The following ERCC8 variants were observed in gnomAD, a reference collection of about 807,000 sequenced individuals.
ERCC8 encodes the protein DNA excision repair protein ERCC-8.
In ERCC8, 52 loss-of-function variants were observed where a neutral mutation model predicts 54.9. The observed-to-expected ratio is 0.95, with a 90% CI of 0.76 to 1.19. The LOEUF (loss-of-function observed/expected upper bound fraction) is 1.19, where lower values mean the gene tolerates loss of function less well. Among genes scored for constraint, ERCC8 ranks in the 50% most tolerant of loss-of-function variants. The pLI is 0.00. For missense variants in ERCC8, 514 were observed against 466.1 expected, an observed-to-expected ratio of 1.10 and a Z score of -0.95; for synonymous variants, 146 against 157.2, an observed-to-expected ratio of 0.93 and a Z score of 0.53.
rs1211144774 is a variant in ERCC8, at chr5:60,902,448, G to A, written c.611C>T (p.Thr204Ile). 1.2e-6 allele frequency: 2 copies of A among 1,610,780 alleles called. No homozygotes were observed. The highest frequency in any genetic ancestry group is 1.7e-6 in the Non-Finnish European group (2 of 1,177,578). ...CAAATAAGTTAAATTTTACCTTGCTGTTGCCAAGATATAGTCATAACGTGG... is the reference window on the plus strand; with the variant it reads ...CAAATAAGTTAAATTTTACCTTGCTATTGCCAAGATATAGTCATAACGTGG... The part of the protein sequence containing the change: ...WSPRYDYILA[T>I]ASADSRVKLW... Residue 204 changes from threonine to isoleucine, a missense_variant, in exon 7 of 12, where the codon ACA (threonine) becomes ATA (isoleucine). Thr to Ile is a moderately conservative substitution (Grantham distance 89). Transcript: ENST00000676185.
At chr5:60,915,258 G>A (rs1749398544) in intron 4 of ERCC8, 1 of 151,906 alleles carries the variant, frequency 6.6e-6, no homozygotes, top group Non-Finnish European at 1.5e-5. Flanking sequence ...CTCATTTGTT[G>A]GTAAGCTTGG....
chr5:60,903,770 G>A, intron 5 of ERCC8, 54 bp from the exon 6 acceptor site: 2 of 1,544,078 alleles, frequency 1.3e-6, no homozygotes, highest in Non-Finnish European at 1.8e-6. Context: ...TCATCAAAAG[G>A]AAACAAGACA....
rs1749289660 is a variant in ERCC8 at position 60,912,242 on chromosome 5, T to C, written c.399+6023A>G. The stretch of plus-strand genomic sequence containing the variant: ...TCCATAAGCATGGAATGTTCTTCCA[T>C]TTGTTTGTGTCCTCTTTTATTTCAT... On this transcript the variant is annotated intron_variant, in intron 4 of 11. Coordinates refer to ENST00000676185, the MANE Select transcript of ERCC8 (RefSeq NM_000082.4). Among the ~76,000 whole-genome samples the C allele has an allele frequency of 2.6e-5, 4 of 152,176 alleles. No individual in the cohort carries two copies. In the South Asian group the frequency reaches 8.3e-4, roughly 31 times the overall value.
intron 9 of ERCC8, chr5:60,892,821 A>G: frequency 1.5e-6 from 1 of 681,838 alleles, no homozygotes; most frequent in Non-Finnish European, 2.7e-6. Flanking sequence ...GACCCCAGGA[A>G]TGGCTCCCAC....
chr5:60,921,001 C>T (rs4647079), intron 3 of ERCC8, among the ~76,000 whole-genome samples: 7,156 of 151,628 alleles, frequency 0.047, 567 homozygotes, highest in African/African-American at 0.16. Context: ...GTATTTGAGG[C>T]GATATCTTGT....
intron 7 of ERCC8, 46 bp from the exon 8 acceptor site, chr5:60,899,773 G>T: frequency 1.5e-6 from 2 of 1,373,854 alleles, no homozygotes; most frequent in South Asian, 1.2e-5. Context: ...CTAGGACAAT[G>T]ACTGTACCCC....
intron 5 of ERCC8, among the ~76,000 whole-genome samples, 161 bp from the exon 6 acceptor site, chr5:60,903,877 A>G (rs1236801199): frequency 6.6e-6 from 1 of 152,118 alleles, no homozygotes; most frequent in Non-Finnish European, 1.5e-5. Flanking sequence ...TACATTTAGA[A>G]AAGTTATTTT....
intron 2 of ERCC8, among the ~76,000 whole-genome samples, chr5:60,922,488 C>T (rs934526705): frequency 1.3e-5 from 2 of 151,932 alleles, no homozygotes; most frequent in African/African-American, 4.8e-5. Context: ...CTAATTATGA[C>T]TATGCTAAAT....
At chr5:60,911,438 G>T (rs190161593) in intron 4 of ERCC8, among the ~76,000 whole-genome samples, 1,566 of 146,816 alleles carry the variant, frequency 0.011, 25 homozygotes, top group African/African-American at 0.033. Flanking sequence ...TTTTTGATGG[G>T]TTTTTTTTTT....
chr5:60,890,889 C>T lies in ERCC8; in HGVS notation c.1041G>A (p.Gln347=). Residue 347 remains glutamine (Q), a splice_region_variant and synonymous_variant, in exon 10 of 12, where the codon CAG becomes CAA. Coordinates refer to ENST00000676185, the MANE Select transcript of ERCC8 (RefSeq NM_000082.4). ...TTTTAAATTCCTGTATCACTCTTAC[C>T]TGGAAATTTGACTGAAATACACAGC... is the stretch of plus-strand genomic sequence containing the variant. ...VDCCVFQSNF[Q]ELYSGSRDCN... is the part of the protein sequence containing the mutation. The T allele has an allele frequency of 3.1e-6, 5 of 1,610,702 alleles. No individual in the cohort carries two copies. The highest frequency in any genetic ancestry group is 4.2e-6 in the Non-Finnish European group (5 of 1,177,306).
chr5:60,899,967 A>T (rs1748829459), intron 7 of ERCC8, among the ~76,000 whole-genome samples: 1 of 152,008 alleles, frequency 6.6e-6, no homozygotes, highest in African/African-American at 2.4e-5. Flanking sequence ...ACAAGAACAA[A>T]ATTTTGCTGC....
At chr5:60,903,467 T>C in intron 6 of ERCC8, 181 bp downstream of exon 6, 1 of 1,007,114 alleles carries the variant, frequency 9.9e-7, no homozygotes, top group East Asian at 2.8e-5. Flanking sequence ...ATAAATGTGT[T>C]TTCAATGGTT....
intron 1 of ERCC8, 79 bp from the exon 2 acceptor site, chr5:60,929,038 T>C (rs1457838331): frequency 3.5e-6 from 3 of 849,272 alleles, no homozygotes; most frequent in Non-Finnish European, 6.0e-6. Context: ...AGATTACTTA[T>C]GGTACAAAAA....
At chr5:60,891,580 T>C (rs1748557790) in intron 9 of ERCC8, among the ~76,000 whole-genome samples, 1 of 151,532 alleles carries the variant, frequency 6.6e-6, no homozygotes, top group Admixed American at 6.6e-5. Context: ...TTTTTGGGGC[T>C]AATACCCCCC....
At position 60,922,098 on chromosome 5, in the gene ERCC8, G is replaced by A; in HGVS notation, c.231C>T (p.Ser77=). 2 of 1,610,438 alleles carry A rather than the reference G, an allele frequency of 1.2e-6. No homozygotes were observed. The highest frequency in any genetic ancestry group is 1.7e-6 in the Non-Finnish European group (2 of 1,177,670). ...VIVLYDLENS[S]RQSYYTCKAV... ...CTTTACATGTGTAATAAGATTGTCT[G>A]CTGGAGTTCTCAAGGTCATAAAGTA... The change falls in exon 3 of 12, where the codon AGC becomes AGT. Residue 77 remains serine, a synonymous_variant. Coordinates refer to ENST00000676185, the MANE Select transcript of ERCC8 (RefSeq NM_000082.4).
In ERCC8 at chr5:60,870,091, T is replaced by TAACAA. The variant is rs144343445; in HGVS notation, c.*4519_*4523dup. The stretch of plus-strand genomic sequence containing the variant: ...TCTCCACTATATTTTTGCAAGTGCT[T>TAACAA]AACAAAACAAAACAAAACAAAACAA... On this transcript the variant is annotated 3_prime_UTR_variant, in exon 12 of 12. Transcript: ENST00000676185. Among the ~76,000 whole-genome samples, 78 of 152,070 alleles carry TAACAA rather than the reference T, an allele frequency of 5.1e-4. 2 individuals carry two copies. The South Asian group carries it at 8.1e-3, about 16-fold the overall frequency.
intron 11 of ERCC8, among the ~76,000 whole-genome samples, chr5:60,885,751 A>T (rs1748375285): frequency 6.6e-6 from 1 of 152,218 alleles, no homozygotes; most frequent in Non-Finnish European, 1.5e-5. Flanking sequence ...AATAATTCAC[A>T]GGTTTACACA....
chr5:60,903,451 G>T, intron 6 of ERCC8, 197 bp downstream of exon 6: 1 of 815,434 alleles, frequency 1.2e-6, no homozygotes, highest in Non-Finnish European at 1.8e-6. Context: ...AATGATCATT[G>T]TTCATATAAA....
chr5:60,930,097 A>C (rs1749862521), intron 1 of ERCC8, among the ~76,000 whole-genome samples: 1 of 152,230 alleles, frequency 6.6e-6, no homozygotes, highest in Admixed American at 6.5e-5. Flanking sequence ...TTGAAGATAT[A>C]CATGGCCCTT....
Sources: allele counts gnomAD v4.1 joint callset (sites outside exome capture counted in the v4.1 genomes callset), GRCh38; gene constraint gnomAD v4.1.1; transcripts MANE v1.5; gene names NCBI Gene and HGNC (gene_info 2026-07-23, HGNC 2026-07-21).